RMST: variants seen among roughly 807,000 people sequenced by gnomAD.
The protein encoded by RMST is rhabdomyosarcoma 2 associated transcript, also known as long intergenic non-protein coding RNA 54.
intron 5 of RMST, among the ~76,000 whole-genome samples, chr12:97,472,317 C>T (rs531715712): frequency 7.2e-5 from 11 of 152,214 alleles, no homozygotes; most frequent in African/African-American, 2.2e-4. Context: ...TACATGGACT[C>T]TCATCAGATG....
chr12:97,549,623 T>C (rs962970540), intron 11 of RMST, among the ~76,000 whole-genome samples: 1 of 152,242 alleles, frequency 6.6e-6, no homozygotes, highest in Non-Finnish European at 1.5e-5. Context: ...ACTCTGTTCA[T>C]GCAGAGCAGT....
chr12:97,495,487 A>G (rs1255514333), intron 9 of RMST, among the ~76,000 whole-genome samples: 2 of 152,184 alleles, frequency 1.3e-5, no homozygotes, highest in Non-Finnish European at 2.9e-5. Flanking sequence ...CTAGCCTTCT[A>G]TGTATGCTAT....
At chr12:97,466,975 G>A (rs1418235322) in intron 5 of RMST, among the ~76,000 whole-genome samples, 1 of 152,028 alleles carries the variant, frequency 6.6e-6, no homozygotes, top group African/African-American at 2.4e-5. Context: ...TATTTGATAT[G>A]ATAGTTTGTA....
At chr12:97,549,428 T>C (rs1883166991) in intron 11 of RMST, among the ~76,000 whole-genome samples, 1 of 152,236 alleles carries the variant, frequency 6.6e-6, no homozygotes, top group South Asian at 2.1e-4. Flanking sequence ...GGGGTATGTC[T>C]TTCTAAACAT....
rs574618919 is a variant in RMST at position 97,479,040 on chromosome 12, C to T, written n.644+13313C>T. ...CAAATGCCCTCTCCCTTGTCCTGGT[C>T]CCTCTCCATTATTATTCTGATCGCT... On this transcript the variant is annotated intron_variant and non_coding_transcript_variant, in intron 5 of 13. Coordinates refer to ENST00000640149, the Ensembl canonical transcript of RMST. Among the ~76,000 whole-genome samples the T allele has an allele frequency of 7.2e-5, 11 of 151,976 alleles. No individual in the cohort carries two copies. In the South Asian group the frequency reaches 1.9e-3, roughly 26 times the overall value.
chr12:97,493,924 C>T, exon 8 of RMST: 1 of 152,130 alleles, frequency 6.6e-6, no homozygotes, highest in East Asian at 1.9e-4. Context: ...AAATATAAAT[C>T]CCATGGGAAG....
intron 11 of RMST, among the ~76,000 whole-genome samples, chr12:97,543,111 A>G (rs539339655): frequency 6.6e-6 from 1 of 152,184 alleles, no homozygotes; most frequent in East Asian, 1.9e-4. Context: ...TACACATTAC[A>G]TTTTAAAAAA....
chr12:97,514,887 CACAA>C (rs1879777617), intron 10 of RMST, among the ~76,000 whole-genome samples: 1 of 152,236 alleles, frequency 6.6e-6, no homozygotes, highest in Non-Finnish European at 1.5e-5. Flanking sequence ...TCTGCTGCTA[CACAA>C]ACACTGTCAA....
Position 97,467,783 on chromosome 12 carries a change from A to G in RMST, n.644+2056A>G, listed in dbSNP as rs959184284. On this transcript the variant is annotated intron_variant and non_coding_transcript_variant, in intron 5 of 13. Coordinates refer to ENST00000640149, the Ensembl canonical transcript of RMST. ...AGAAAGTTGTATTGAATTTGATGCT[A>G]TTTATCTGACCCATTTGCCTGAATT... Among the ~76,000 whole-genome samples, 9 of 151,912 alleles carry G rather than the reference A, an allele frequency of 5.9e-5. No individual in the cohort carries two copies. In the East Asian group the frequency reaches 1.7e-3, roughly 29 times the overall value.
At position 97,524,075 on chromosome 12, in the gene RMST, C is replaced by CAAAAAAAAAA. The variant is rs537840796; in HGVS notation, n.1341-6561_1341-6552dup. The stretch of plus-strand genomic sequence containing the variant: ...TGGGCAACAGAGTGAGACTCTGTCT[C>CAAAAAAAAAA]AAAAAAAAAAAAAAAAAAAAAAAAA... On this transcript the variant is annotated intron_variant and non_coding_transcript_variant, in intron 10 of 13. Transcript: ENST00000640149. Among the ~76,000 whole-genome samples, 325 of 56,100 alleles carry CAAAAAAAAAA rather than the reference C, an allele frequency of 5.8e-3. 29 individuals carry two copies. Among genetic ancestry groups the CAAAAAAAAAA allele is most frequent in the African/African-American group, 0.024 (311 of 12,950 alleles). 36.8% of individuals were successfully genotyped at this position (56,100 alleles called of 152,430 possible). A position where few individuals can be genotyped will look rare whatever the true frequency, so the allele number is the denominator to read the frequency against.
chr12:97,505,268 T>A (rs917725294), intron 10 of RMST, among the ~76,000 whole-genome samples: 1 of 152,234 alleles, frequency 6.6e-6, no homozygotes, highest in African/African-American at 2.4e-5. Context: ...ATCAAAACAG[T>A]TCTGATTTAA....
Position 97,475,587 on chromosome 12 carries a change from G to T in RMST, n.644+9860G>T, listed in dbSNP as rs375974029. Among the ~76,000 whole-genome samples, 1,351 of 140,924 alleles carry T rather than the reference G, an allele frequency of 9.6e-3. 26 individuals carry two copies. The highest frequency in any genetic ancestry group is 0.03 in the African/African-American group (1,142 of 38,664). The allele number at this position is 140,924 out of a possible 152,430, so 92.5% of individuals were successfully genotyped here. A position where few individuals can be genotyped will look rare whatever the true frequency, so the allele number is the denominator to read the frequency against. ...TACCCACCTTAGTATCTTTTTTTTTGTTTTTTTTTTTTACCATTTCCCACA... is the reference window on the plus strand; with the variant it reads ...TACCCACCTTAGTATCTTTTTTTTTTTTTTTTTTTTTTACCATTTCCCACA... On this transcript the variant is annotated intron_variant and non_coding_transcript_variant, in intron 5 of 13. Coordinates refer to ENST00000640149, the Ensembl canonical transcript of RMST.
chr12:97,548,674 A>G (rs956587527), intron 11 of RMST, among the ~76,000 whole-genome samples: 5 of 152,092 alleles, frequency 3.3e-5, no homozygotes, highest in African/African-American at 1.2e-4. Flanking sequence ...TTATAGAAGT[A>G]CTGCTAATTT....
chr12:97,531,364 C>CT (rs1565933157), intron 11 of RMST, among the ~76,000 whole-genome samples: 2 of 151,938 alleles, frequency 1.3e-5, no homozygotes, highest in African/African-American at 4.8e-5. Flanking sequence ...ATAATTGGGG[C>CT]TTTTTAAAAC....
At chr12:97,564,177 C>A in exon 14 of RMST, 1 of 237,902 alleles carries the variant, frequency 4.2e-6, no homozygotes, top group Non-Finnish European at 8.5e-6. Flanking sequence ...CTATTAATAG[C>A]CCACCAGTCG....
chr12:97,508,055 A>G (rs1432936428), intron 10 of RMST, among the ~76,000 whole-genome samples: 3 of 152,214 alleles, frequency 2.0e-5, no homozygotes, highest in Non-Finnish European at 4.4e-5. Context: ...GTGGAGTAGT[A>G]TCAGACTTTT....
At chr12:97,482,738 TA>T (rs1423985868) in intron 5 of RMST, among the ~76,000 whole-genome samples, 9 of 55,976 alleles carry the variant, frequency 1.6e-4, no homozygotes, top group South Asian at 4.2e-4. Context: ...AATAAATTTA[TA>T]TTATTTATTT....
At chr12:97,491,186 A>T (rs7137964) in intron 5 of RMST, among the ~76,000 whole-genome samples, 125,939 of 152,170 alleles carry the variant, frequency 0.83, 52,478 homozygotes, top group Middle Eastern at 0.91. Context: ...ATTCCTCCAA[A>T]GCAATTTGGT....
At position 97,511,235 on chromosome 12, in the gene RMST, G is replaced by A. The variant is rs548299656; in HGVS notation, n.1340+15179G>A. 4.0e-5 allele frequency among the ~76,000 whole-genome samples: 6 copies of A among 150,636 alleles called. No individual in the cohort carries two copies. In the South Asian group the frequency reaches 8.4e-4, roughly 21 times the overall value. The stretch of plus-strand genomic sequence containing the variant: ...ACAATCTCTGCTCACTGCAACCTCC[G>A]TCTCCTGGGTTCAAGTGATTCTCTT... On this transcript the variant is annotated intron_variant and non_coding_transcript_variant, in intron 10 of 13. Transcript: ENST00000640149.
Sources: gnomAD v4.1 joint callset for allele counts (sites outside exome capture counted in the v4.1 genomes callset) on GRCh38, gnomAD v4.1.1 for gene constraint, MANE v1.5 for transcripts, NCBI Gene and HGNC (gene_info 2026-07-23, HGNC 2026-07-21) for gene names.